KIAA1958: variants seen among roughly 807,000 people sequenced by gnomAD.
KIAA1958 encodes the protein KIAA1958.
Under a neutral mutation model 47.2 loss-of-function variants are expected in KIAA1958, and 14 were observed. The ratio of observed to expected loss-of-function variants is 0.30; its 90% CI spans 0.20 to 0.46. The LOEUF (loss-of-function observed/expected upper bound fraction) is 0.46. Among genes scored for constraint, KIAA1958 ranks in the 20% least tolerant of loss-of-function variants. The pLI, the probability that KIAA1958 is intolerant of heterozygous loss-of-function variation, is 1.00. For missense variants in KIAA1958, 803 were observed against 909.2 expected (o/e 0.88, Z 1.50); for synonymous variants, 354 against 353.3 (o/e 1.00, Z -0.02).
At chr9:112,629,952 G>A (rs1836680284) in intron 2 of KIAA1958, among the ~76,000 whole-genome samples, 1 of 152,178 alleles carries the variant, frequency 6.6e-6, no homozygotes, top group South Asian at 2.1e-4. Context: ...GCTGATTTTT[G>A]TAGCTACAAC....
intron 1 of KIAA1958, among the ~76,000 whole-genome samples, chr9:112,556,220 G>T (rs1025809582): frequency 3.9e-5 from 6 of 152,190 alleles, no homozygotes; most frequent in African/African-American, 1.4e-4. Context: ...GTAGACCTCA[G>T]CTGGCTGTCA....
At chr9:112,537,132 G>C (rs1834868687) in intron 1 of KIAA1958, among the ~76,000 whole-genome samples, 1 of 147,814 alleles carries the variant, frequency 6.8e-6, no homozygotes, top group African/African-American at 2.5e-5. Flanking sequence ...TTTTGACAGA[G>C]TCTCCCTTTG....
intron 3 of KIAA1958, 73 bp from the exon 4 acceptor site, chr9:112,659,179 CAGCCCCTGGTG>C: frequency 8.8e-7 from 1 of 1,131,342 alleles, no homozygotes; most frequent in South Asian, 1.4e-5. Flanking sequence ...GTCCTCAACA[CAGCCCCTGGTG>C]AGGATTAGAA....
At chr9:112,498,291 G>A (rs369916790) in intron 1 of KIAA1958, among the ~76,000 whole-genome samples, 18 of 152,196 alleles carry the variant, frequency 1.2e-4, no homozygotes, top group African/African-American at 3.9e-4. Flanking sequence ...GAAAGGTGGC[G>A]GTTCAGTTGT....
intron 2 of KIAA1958, among the ~76,000 whole-genome samples, chr9:112,642,630 G>A (rs1337551478): frequency 2.6e-5 from 4 of 152,136 alleles, no homozygotes; most frequent in Non-Finnish European, 5.9e-5. Context: ...CCTTAAGCTC[G>A]GGGTTTGTCC....
At chr9:112,625,395 C>T (rs1419497437) in intron 2 of KIAA1958, among the ~76,000 whole-genome samples, 1 of 152,104 alleles carries the variant, frequency 6.6e-6, no homozygotes, top group Non-Finnish European at 1.5e-5. Context: ...CTCAAGTGAT[C>T]CCCCCACCTC....
chr9:112,603,370 A>G (rs939855447), intron 2 of KIAA1958, among the ~76,000 whole-genome samples: 2 of 152,198 alleles, frequency 1.3e-5, no homozygotes, highest in African/African-American at 4.8e-5. Context: ...CCCCAAAATC[A>G]GGATTGGTGT....
At chr9:112,649,885 A>G (rs1205293367) in intron 3 of KIAA1958, among the ~76,000 whole-genome samples, 1 of 152,192 alleles carries the variant, frequency 6.6e-6, no homozygotes, top group Non-Finnish European at 1.5e-5. Context: ...ATGATACCAC[A>G]TGGAAATATG....
chr9:112,617,794 C>CT, intron 2 of KIAA1958: 1 of 1,170,136 alleles, frequency 8.5e-7, no homozygotes, highest in Non-Finnish European at 1.2e-6. Flanking sequence ...TAAAAGGAAA[C>CT]TTTATTTCAG....
intron 1 of KIAA1958, among the ~76,000 whole-genome samples, chr9:112,531,046 TTAAGA>T (rs1228934071): frequency 6.6e-6 from 1 of 152,230 alleles, no homozygotes; most frequent in Non-Finnish European, 1.5e-5. Flanking sequence ...TAGAAAATGC[TTAAGA>T]TAACAAGATG....
intron 2 of KIAA1958, among the ~76,000 whole-genome samples, chr9:112,623,590 G>A (rs765163136): frequency 1.3e-5 from 2 of 152,134 alleles, no homozygotes; most frequent in South Asian, 2.1e-4. Flanking sequence ...TTATTTAGGC[G>A]TCATTACTGT....
chr9:112,615,012 T>C (rs148897935), intron 2 of KIAA1958, among the ~76,000 whole-genome samples: 1 of 152,204 alleles, frequency 6.6e-6, no homozygotes, highest in African/African-American at 2.4e-5. Context: ...ACATATCCCT[T>C]AAAAGAACTT....
chr9:112,540,621 C>T (rs1834924673), intron 1 of KIAA1958, among the ~76,000 whole-genome samples: 1 of 151,942 alleles, frequency 6.6e-6, no homozygotes, highest in African/African-American at 2.4e-5. Context: ...CAGAAAAATG[C>T]CTTAAACATT....
chr9:112,632,333 A>T (rs1231452771), intron 2 of KIAA1958, among the ~76,000 whole-genome samples: 1 of 149,710 alleles, frequency 6.7e-6, no homozygotes, highest in Non-Finnish European at 1.5e-5. Context: ...ACCACATGTA[A>T]ATATATATAT....
chr9:112,574,606 G>C lies in KIAA1958; in HGVS notation c.526G>C (p.Gly176Arg). ...TCAAAGCATTGCTCGCAAAAGACCTGGGGTAGTCCCATCTTCCCTCCATTC... is the reference window on the plus strand; with the variant it reads ...TCAAAGCATTGCTCGCAAAAGACCTCGGGTAGTCCCATCTTCCCTCCATTC... ...RPQSIARKRPGVVPSSLHSSS... is the reference protein window; with the variant it reads ...RPQSIARKRPRVVPSSLHSSS... The change falls in exon 2 of 4, where the codon GGG (glycine) becomes CGG (arginine). Residue 176 changes from glycine to arginine, a missense_variant. By Grantham distance (125) the Gly-to-Arg change is moderately radical. Transcript: ENST00000337530. The C allele has an allele frequency of 6.2e-7, 1 of 1,614,154 alleles. No individual in the cohort carries two copies. Among genetic ancestry groups the C allele is most frequent in the Non-Finnish European group, 8.5e-7 (1 of 1,180,028 alleles).
rs979330035 is a variant in KIAA1958 at position 112,618,422 on chromosome 9, A to G, written c.1172-27228A>G. On this transcript the variant is annotated intron_variant, in intron 2 of 3. Transcript: ENST00000337530. The surrounding 1 kb of genome is among the most constrained non-coding windows in gnomAD (Gnocchi z 7.1). ...ATGGGGTGATATCCGGCTCCGGGTAACAGAGACGGGTCTCGAGTACTTGGA... is the reference window on the plus strand; with the variant it reads ...ATGGGGTGATATCCGGCTCCGGGTAGCAGAGACGGGTCTCGAGTACTTGGA... 1.3e-6 allele frequency: 2 copies of G among 1,551,070 alleles called. No homozygotes were observed. The highest frequency in any genetic ancestry group is 2.0e-5 in the Admixed American group (1 of 50,984).
intron 2 of KIAA1958, among the ~76,000 whole-genome samples, chr9:112,635,875 G>A (rs1836797191): frequency 6.6e-6 from 1 of 151,356 alleles, no homozygotes; most frequent in Non-Finnish European, 1.5e-5. Flanking sequence ...CTTAATTGTA[G>A]TGTTTCCTTC....
At chr9:112,609,706 C>A (rs1836292168) in intron 2 of KIAA1958, among the ~76,000 whole-genome samples, 1 of 152,068 alleles carries the variant, frequency 6.6e-6, no homozygotes, top group Non-Finnish European at 1.5e-5. Context: ...CATGCACCAC[C>A]ACACCCAGCG....
At position 112,574,176 on chromosome 9, in the gene KIAA1958, G is replaced by C. The variant is rs1172916910; in HGVS notation, c.96G>C (p.Leu32=). ...CTATTTGCAGCCTCATTCCAAACCT[G>C]AAACACTTGCTTTCTGAAGGTTCCC... ...HGTICSLIPN[L]KHLLSEGSHG... The change falls in exon 2 of 4, where the codon CTG becomes CTC. Residue 32 remains leucine (L), a synonymous_variant. Coordinates refer to ENST00000337530, the MANE Select transcript of KIAA1958 (RefSeq NM_133465.4). 1 of 1,614,026 alleles carries C rather than the reference G, an allele frequency of 6.2e-7. No individual in the cohort carries two copies. Among genetic ancestry groups the C allele is most frequent in the African/African-American group, 1.3e-5 (1 of 74,920 alleles).
Sources: allele counts gnomAD v4.1 joint callset (sites outside exome capture counted in the v4.1 genomes callset), GRCh38; gene constraint gnomAD v4.1.1; non-coding constraint Gnocchi (gnomAD v3.1); transcripts MANE v1.5; gene names NCBI Gene and HGNC (gene_info 2026-07-23, HGNC 2026-07-21).